The following CDH12 variants were observed in gnomAD, a reference collection of about 807,000 sequenced individuals.
The protein encoded by CDH12 is cadherin-12.
Under a neutral mutation model 74.1 loss-of-function variants are expected in CDH12, and 41 were observed. That is an observed-to-expected ratio of 0.55 (90% confidence interval 0.43 to 0.72). The LOEUF (loss-of-function observed/expected upper bound fraction) is 0.72. Among genes scored for constraint, CDH12 ranks in the 30% least tolerant of loss-of-function variants. CDH12 has a pLI of 0.00. For synonymous variants in CDH12, 399 were observed against 355.0 expected, an observed-to-expected ratio of 1.12 and a Z score of -1.39; for missense variants, 945 against 977.2, an observed-to-expected ratio of 0.97 and a Z score of 0.44.
intron 1 of CDH12, among the ~76,000 whole-genome samples, chr5:22,743,296 ATG>A (rs1445295376): frequency 2.5e-4 from 37 of 148,082 alleles, no homozygotes; most frequent in Admixed American, 2.4e-3. Flanking sequence ...ATATATGTAT[ATG>A]TATATATATG....
At position 22,626,139 on chromosome 5, in the gene CDH12, C is replaced by T. The variant is rs543527036; in HGVS notation, c.-522-120775G>A. Among the ~76,000 whole-genome samples, 3 of 151,632 alleles carry T rather than the reference C, an allele frequency of 2.0e-5. No individual in the cohort carries two copies. In the South Asian group the frequency reaches 6.2e-4, roughly 32 times the overall value. On this transcript the variant is annotated intron_variant, in intron 1 of 14. Transcript: ENST00000382254. ...TGCATGCATACATGTTGGCACCCTA[C>T]CCCCCCCAACATGTGGGCACTCTGC...
At chr5:21,927,087 G>A (rs907739585) in intron 6 of CDH12, among the ~76,000 whole-genome samples, 5 of 152,194 alleles carry the variant, frequency 3.3e-5, no homozygotes, top group African/African-American at 7.2e-5. Context: ...GTGTATTTCC[G>A]TCAGCCACAG....
intron 1 of CDH12, among the ~76,000 whole-genome samples, chr5:22,826,460 A>T (rs1316723111): frequency 6.6e-6 from 1 of 152,186 alleles, no homozygotes; most frequent in Non-Finnish European, 1.5e-5. Context: ...CTGAAAAGGT[A>T]CACAAAAATG....
At chr5:22,522,895 C>A (rs1273272350) in intron 1 of CDH12, among the ~76,000 whole-genome samples, 1 of 152,154 alleles carries the variant, frequency 6.6e-6, no homozygotes, top group African/African-American at 2.4e-5. Context: ...AAACTATTTT[C>A]ACTTCTTCCC....
intron 6 of CDH12, among the ~76,000 whole-genome samples, chr5:21,903,000 G>A (rs902534778): frequency 3.3e-5 from 5 of 151,948 alleles, no homozygotes; most frequent in South Asian, 2.1e-4. Flanking sequence ...GAGTTAAGAC[G>A]CTAATGATAA....
chr5:21,880,406 C>T (rs745641110), intron 6 of CDH12, among the ~76,000 whole-genome samples: 2 of 152,142 alleles, frequency 1.3e-5, no homozygotes, highest in African/African-American at 2.4e-5. Flanking sequence ...GGGATCATCC[C>T]AGCACTGGGG....
chr5:22,728,966 A>G (rs1446482500), intron 1 of CDH12, among the ~76,000 whole-genome samples: 1 of 151,894 alleles, frequency 6.6e-6, no homozygotes, highest in Non-Finnish European at 1.5e-5. Flanking sequence ...CCTCTGGATT[A>G]GCAAATGTCT....
intron 3 of CDH12, among the ~76,000 whole-genome samples, chr5:22,309,545 A>C (rs1324856860): frequency 6.6e-6 from 1 of 152,102 alleles, no homozygotes. Flanking sequence ...AATAAAACCA[A>C]TTAACATTTC....
rs145510277 is a variant in CDH12, at chr5:22,539,193, G to C, written c.-522-33829C>G. ...TGTTGATATTCTGTGTAATAAAAAA[G>C]TGTCTGCAAATAATATCTACAGATG... On this transcript the variant is annotated intron_variant, in intron 1 of 14. Coordinates refer to ENST00000382254, the MANE Select transcript of CDH12 (RefSeq NM_004061.5). 8.6e-4 allele frequency among the ~76,000 whole-genome samples: 131 copies of C among 152,340 alleles called. 4 individuals are homozygous for C. The East Asian group carries it at 0.024, about 28-fold the overall frequency.
intron 3 of CDH12, among the ~76,000 whole-genome samples, chr5:22,378,866 T>C (rs1741646051): frequency 6.6e-6 from 1 of 152,124 alleles, no homozygotes; most frequent in Admixed American, 6.5e-5. Context: ...TAAAGTATAA[T>C]GCCTTATATA....
At chr5:21,783,646 C>A in intron 10 of CDH12, 152 bp from the exon 11 acceptor site, 1 of 616,556 alleles carries the variant, frequency 1.6e-6, no homozygotes, top group Non-Finnish European at 2.9e-6. Context: ...TTCTTTATTG[C>A]AAAGTCAGTA....
intron 4 of CDH12, among the ~76,000 whole-genome samples, chr5:22,147,663 G>C (rs1747289619): frequency 6.6e-6 from 1 of 151,484 alleles, no homozygotes; most frequent in South Asian, 2.1e-4. Context: ...CATGGCAGAA[G>C]GCAAAAGGCA....
At chr5:21,859,294 G>A (rs1750909574) in intron 6 of CDH12, among the ~76,000 whole-genome samples, 1 of 151,940 alleles carries the variant, frequency 6.6e-6, no homozygotes, top group African/African-American at 2.4e-5. Flanking sequence ...TGAAGGGGAA[G>A]AAAGGCACCT....
chr5:22,780,573 G>A (rs576964930), intron 1 of CDH12, among the ~76,000 whole-genome samples: 2 of 152,172 alleles, frequency 1.3e-5, no homozygotes, highest in Admixed American at 1.3e-4. Flanking sequence ...GATCTTGTGA[G>A]AACTCATTCA....
intron 5 of CDH12, among the ~76,000 whole-genome samples, chr5:22,020,282 G>T (rs1212171937): frequency 6.6e-6 from 1 of 152,034 alleles, no homozygotes; most frequent in Non-Finnish European, 1.5e-5. Flanking sequence ...GGCTGGGCGT[G>T]GTGGCTCACA....
chr5:22,654,525 G>C (rs914274347), intron 1 of CDH12, among the ~76,000 whole-genome samples: 1 of 151,952 alleles, frequency 6.6e-6, no homozygotes, highest in Admixed American at 6.6e-5. Flanking sequence ...CCTAACCTTA[G>C]ATGATCTGCC....
chr5:22,077,067 TGTGTG>T, intron 5 of CDH12, among the ~76,000 whole-genome samples: 1 of 151,658 alleles, frequency 6.6e-6, no homozygotes, highest in East Asian at 1.9e-4. Context: ...TGTGTGTGTG[TGTGTG>T]TGTGTGCGCG....
chr5:22,316,767 C>G (rs1024309414), intron 3 of CDH12, among the ~76,000 whole-genome samples: 3 of 151,842 alleles, frequency 2.0e-5, no homozygotes, highest in Non-Finnish European at 4.4e-5. Flanking sequence ...TGTAAAAGGT[C>G]TATAATGAGG....
chr5:22,401,313 C>T (rs1316089429), intron 3 of CDH12, among the ~76,000 whole-genome samples: 1 of 152,140 alleles, frequency 6.6e-6, no homozygotes, highest in African/African-American at 2.4e-5. Flanking sequence ...TCCTCATTCT[C>T]TAAAATTTAC....
Sources: gnomAD v4.1 joint callset for allele counts (sites outside exome capture counted in the v4.1 genomes callset) on GRCh38, gnomAD v4.1.1 for gene constraint, MANE v1.5 for transcripts, NCBI Gene and HGNC (gene_info 2026-07-23, HGNC 2026-07-21) for gene names.